Variants in MDM1 observed in about 807,000 individuals in gnomAD.
MDM1 encodes the protein stabilizer of axonemal microtubules 6, also known as Mdm1 nuclear protein.
A neutral mutation model predicts 89.1 loss-of-function variants in MDM1; 61 were observed. The ratio of observed to expected loss-of-function variants is 0.68; its 90% CI spans 0.56 to 0.85. The LOEUF is 0.85. Among genes scored for constraint, MDM1 ranks in the 40% least tolerant of loss-of-function variants. The pLI is 0.00. For missense variants in MDM1, 820 were observed against 846.5 expected (o/e 0.97, Z 0.39); for synonymous variants, 290 against 294.1 (o/e 0.99, Z 0.14).
chr12:68,316,590 C>A lies in MDM1; in HGVS notation c.1026G>T (p.Trp342Cys), dbSNP rs1874536081. Residue 342 changes from tryptophan (W) to cysteine (C), a missense_variant, in exon 8 of 15, where the codon TGG (tryptophan) becomes TGT (cysteine). Transcript: ENST00000682720. ...CTCAAAAGCAACCAACCTCAGCATA[C>A]CACATGGCATTTAGAGAACCCTAGA... ...MPNQGSLNAM[W>C]YAEVKELREK... 6.5e-7 allele frequency: 1 copy of A among 1,534,934 alleles called. No individual in the cohort carries two copies. Among genetic ancestry groups the A allele is most frequent in the South Asian group, 1.2e-5 (1 of 83,962 alleles).
intron 7 of MDM1, among the ~76,000 whole-genome samples, chr12:68,319,127 A>G (rs1394542157): frequency 6.6e-6 from 1 of 152,244 alleles, no homozygotes; most frequent in African/African-American, 2.4e-5. Flanking sequence ...TAGATTAAGT[A>G]GTTATTCTGA....
intron 12 of MDM1, among the ~76,000 whole-genome samples, chr12:68,306,348 T>A (rs1246781146): frequency 6.6e-6 from 1 of 152,172 alleles, no homozygotes; most frequent in Non-Finnish European, 1.5e-5. Flanking sequence ...CTTCTGGACA[T>A]TGGCTAAGGC....
Position 68,321,432 on chromosome 12 carries a change from T to C in MDM1, c.920A>G (p.Glu307Gly). 1 of 1,613,710 alleles carries C rather than the reference T, an allele frequency of 6.2e-7. No individual in the cohort carries two copies. Among genetic ancestry groups the C allele is most frequent in the Middle Eastern group, 1.7e-4 (1 of 6,056 alleles). The change falls in exon 7 of 15, where the codon GAA (glutamate) becomes GGA (glycine). Residue 307 changes from glutamate to glycine, a missense_variant. Coordinates refer to ENST00000682720, the MANE Select transcript of MDM1 (RefSeq NM_001354969.2). ...TGGGCTCAGAAATTTTGCTCTATAT[T>C]CGGAATTCACCTTCCTAATAGAAAT... Reference protein sequence around the residue: ...KHQRLGKVNSEYRAKFLSPAQ... With the variant: ...KHQRLGKVNSGYRAKFLSPAQ...
intron 2 of MDM1, chr12:68,327,602 A>T: frequency 7.9e-7 from 1 of 1,273,536 alleles, no homozygotes; most frequent in Non-Finnish European, 1.1e-6. Flanking sequence ...CAAAAACTTA[A>T]CCTTCTATGA....
chr12:68,331,283 A>G (rs1876778614), intron 1 of MDM1, 62 bp from the exon 2 acceptor site: 1 of 953,070 alleles, frequency 1.0e-6, no homozygotes, highest in African/African-American at 1.6e-5. Flanking sequence ...TAAAGCAGAC[A>G]TCGGTGAAAA....
intron 12 of MDM1, among the ~76,000 whole-genome samples, chr12:68,311,556 C>G (rs900399715): frequency 1.1e-4 from 16 of 152,304 alleles, no homozygotes; most frequent in African/African-American, 3.4e-4. Flanking sequence ...AAGAAACAAT[C>G]AGTGTCTAAA....
chr12:68,319,611 T>C (rs1258349991), intron 7 of MDM1, among the ~76,000 whole-genome samples: 2 of 152,204 alleles, frequency 1.3e-5, no homozygotes, highest in East Asian at 1.9e-4. Context: ...TAAATGTCTA[T>C]AACCTGGTCA....
At chr12:68,313,313 C>G (rs1436516809) in intron 12 of MDM1, 130 bp downstream of exon 12, 1 of 659,432 alleles carries the variant, frequency 1.5e-6, no homozygotes, top group Non-Finnish European at 2.5e-6. Flanking sequence ...TTACTAAAAG[C>G]AGGTTAACAG....
intron 1 of MDM1, chr12:68,331,868 GT>G (rs1353891060): frequency 1.8e-6 from 1 of 541,800 alleles, no homozygotes; most frequent in East Asian, 4.1e-5. Context: ...AGTTTTAAAG[GT>G]AATGGGGGTT....
intron 12 of MDM1, among the ~76,000 whole-genome samples, chr12:68,311,155 C>T (rs956136172): frequency 2.6e-5 from 4 of 152,140 alleles, no homozygotes; most frequent in Admixed American, 2.0e-4. Context: ...ATTCTCATGA[C>T]AAATTCAAAA....
Position 68,302,652 on chromosome 12 carries a change from C to T in MDM1, c.1970G>A (p.Gly657Asp). 6.2e-7 allele frequency: 1 copy of T among 1,613,264 alleles called. No homozygotes were observed. The highest frequency in any genetic ancestry group is 1.7e-5 in the Admixed American group (1 of 59,978). Residue 657 changes from glycine to aspartate, a missense_variant, in exon 13 of 15, where the codon GGC becomes GAC. Gly to Asp is a moderately conservative substitution (Grantham distance 94). Coordinates refer to ENST00000682720, the MANE Select transcript of MDM1 (RefSeq NM_001354969.2). ...SYWHPSRRIQ[G>D]SLRDPEFQHN... is the part of the protein sequence containing the mutation. ...CTGAAACTCTGGATCTCTAAGAGAGCCCTGAATTCGTCGAGAGGGATGCCA... is the reference window on the plus strand; with the variant it reads ...CTGAAACTCTGGATCTCTAAGAGAGTCCTGAATTCGTCGAGAGGGATGCCA...
chr12:68,306,265 C>T (rs1369414572), intron 12 of MDM1, among the ~76,000 whole-genome samples: 1 of 152,098 alleles, frequency 6.6e-6, no homozygotes, highest in Non-Finnish European at 1.5e-5. Context: ...CAAAAATTAA[C>T]TCAAGATGGA....
chr12:68,322,105 T>G (rs1647915718), intron 5 of MDM1, among the ~76,000 whole-genome samples: 1 of 152,208 alleles, frequency 6.6e-6, no homozygotes, highest in Admixed American at 6.5e-5. Context: ...TTAGTCATAT[T>G]TACTTGTAAT....
chr12:68,302,594 C>CA, intron 13 of MDM1, 26 bp downstream of exon 13: 6 of 1,587,418 alleles, frequency 3.8e-6, no homozygotes, highest in Non-Finnish European at 5.1e-6. Context: ...TTTTAAAAGA[C>CA]AAAAAATTAA....
At chr12:68,329,072 A>T (rs566211978) in intron 2 of MDM1, among the ~76,000 whole-genome samples, 2 of 152,370 alleles carry the variant, frequency 1.3e-5, no homozygotes, top group Admixed American at 1.3e-4. Context: ...CAGTGTCATA[A>T]TAGCCCTGTA....
rs1565777923 is a variant in MDM1, at chr12:68,316,213, C to T, written c.1076G>A (p.Arg359Gln). ...CCGAGAAAAATGCGTCCCCTGAACT[C>T]GCTTCCTATAAAACTCAGCCTTTTC... Reference protein sequence around the residue: ...LREKAEFYRKRVQGTHFSRDH... With the variant: ...LREKAEFYRKQVQGTHFSRDH... The change falls in exon 9 of 15, where the codon CGA becomes CAA. Residue 359 changes from arginine to glutamine, a missense_variant. Arg to Gln is a conservative substitution (Grantham distance 43, BLOSUM62 1). Coordinates refer to ENST00000682720, the MANE Select transcript of MDM1 (RefSeq NM_001354969.2). 5.0e-6 allele frequency: 8 copies of T among 1,613,980 alleles called. No individual in the cohort carries two copies. The highest frequency in any genetic ancestry group is 1.1e-5 in the South Asian group (1 of 91,066).
At chr12:68,316,368 G>A (rs897949096) in intron 8 of MDM1, 115 bp from the exon 9 acceptor site, 1 of 1,197,448 alleles carries the variant, frequency 8.4e-7, no homozygotes, top group Non-Finnish European at 1.1e-6. Flanking sequence ...GACAAAGGAA[G>A]GCAAAATTAG....
At chr12:68,327,258 T>C (rs1249881145) in intron 2 of MDM1, 2 of 1,411,180 alleles carry the variant, frequency 1.4e-6, no homozygotes, top group East Asian at 2.5e-5. Context: ...AAATTAAAAA[T>C]CAGGGGGTCA....
intron 1 of MDM1, chr12:68,331,992 G>C (rs1297941336): frequency 1.4e-6 from 1 of 702,964 alleles, no homozygotes. Context: ...AAGTAAATGT[G>C]TCTCGCACCA....
Sources: allele counts gnomAD v4.1 joint callset (sites outside exome capture counted in the v4.1 genomes callset), GRCh38; gene constraint gnomAD v4.1.1; transcripts MANE v1.5; gene names NCBI Gene and HGNC (gene_info 2026-07-23, HGNC 2026-07-21).